Variants in C6orf58 observed in about 807,000 individuals in gnomAD.
C6orf58 encodes protein LEG1 homolog.
In C6orf58, 30 loss-of-function variants were observed where a neutral mutation model predicts 37.0. The ratio of observed to expected loss-of-function variants is 0.81; its 90% CI spans 0.61 to 1.10. C6orf58 has a LOEUF of 1.10. C6orf58 is among the 50% of genes least tolerant of loss of function. The pLI, the probability that C6orf58 is intolerant of heterozygous loss-of-function variation, is 0.00. For missense variants in C6orf58, 368 were observed against 387.5 expected (o/e 0.95, Z 0.42); for synonymous variants, 143 against 134.1 (o/e 1.07, Z -0.46).
At chr6:127,590,867 A>C (rs1232686465) in intron 5 of C6orf58, among the ~76,000 whole-genome samples, 2 of 152,148 alleles carry the variant, frequency 1.3e-5, no homozygotes, top group African/African-American at 2.4e-5. Flanking sequence ...TACCAGTTTG[A>C]AAGTGACTAT....
intron 5 of C6orf58, among the ~76,000 whole-genome samples, chr6:127,590,603 T>C (rs1019320244): frequency 6.6e-6 from 1 of 152,106 alleles, no homozygotes; most frequent in Non-Finnish European, 1.5e-5. Context: ...TTTGTTTTGT[T>C]CTACATACCG....
intron 4 of C6orf58, among the ~76,000 whole-genome samples, chr6:127,582,131 A>T (rs1408613535): frequency 6.6e-6 from 1 of 152,136 alleles, no homozygotes; most frequent in Non-Finnish European, 1.5e-5. Context: ...ATCAGTATGG[A>T]ATTCACAGTT....
At chr6:127,587,626 T>C (rs1775120319) in intron 4 of C6orf58, among the ~76,000 whole-genome samples, 1 of 152,226 alleles carries the variant, frequency 6.6e-6, no homozygotes, top group African/African-American at 2.4e-5. Context: ...GAAGTAATAA[T>C]GTACAAATTA....
chr6:127,578,301 T>C (rs1396162317), intron 1 of C6orf58, among the ~76,000 whole-genome samples: 1 of 152,072 alleles, frequency 6.6e-6, no homozygotes, highest in Non-Finnish European at 1.5e-5. Flanking sequence ...ACTAAGGCAT[T>C]AGAGGTTATT....
chr6:127,584,600 C>T (rs1260625118), intron 4 of C6orf58, among the ~76,000 whole-genome samples: 1 of 152,066 alleles, frequency 6.6e-6, no homozygotes, highest in East Asian at 1.9e-4. Context: ...TATGGGAAAC[C>T]CCGTCTCTAG....
Position 127,591,465 on chromosome 6 carries a change from T to C in C6orf58, c.914-78T>C, listed in dbSNP as rs1775161615. The stretch of plus-strand genomic sequence containing the variant: ...TTAGTAGAAAGGAAATGAAATAAAA[T>C]TATGAGCCATATATTGCCAAAAGGT... On this transcript the variant is annotated intron_variant, in intron 5 of 5. Coordinates refer to ENST00000329722, the MANE Select transcript of C6orf58 (RefSeq NM_001010905.3). 4 of 1,249,212 alleles carry C rather than the reference T, an allele frequency of 3.2e-6. No individual in the cohort carries two copies. The South Asian group carries it at 5.1e-5, about 16-fold the overall frequency. 77.4% of individuals were successfully genotyped at this position (1,249,212 alleles called of 1,614,324 possible). A position where few individuals can be genotyped will look rare whatever the true frequency, so the allele number is the denominator to read the frequency against.
chr6:127,590,383 A>T (rs1325770719), intron 5 of C6orf58, 58 bp downstream of exon 5: 2 of 1,032,118 alleles, frequency 1.9e-6, no homozygotes, highest in Non-Finnish European at 2.9e-6. Flanking sequence ...AAATAGAGGA[A>T]GAAATAATAA....
chr6:127,587,046 C>T (rs933945754), intron 4 of C6orf58, among the ~76,000 whole-genome samples: 1 of 152,152 alleles, frequency 6.6e-6, no homozygotes, highest in East Asian at 1.9e-4. Flanking sequence ...CAAATTATAT[C>T]AGCATTATTT....
At chr6:127,578,921 G>A in intron 2 of C6orf58, 149 bp downstream of exon 2, 1 of 575,336 alleles carries the variant, frequency 1.7e-6, no homozygotes, top group Non-Finnish European at 3.1e-6. Context: ...ATGGCCTTTA[G>A]GTCACTTTAA....
chr6:127,585,386 C>T (rs778578093), intron 4 of C6orf58, among the ~76,000 whole-genome samples: 3 of 152,088 alleles, frequency 2.0e-5, no homozygotes, highest in Admixed American at 6.6e-5. Flanking sequence ...TCACAGATCA[C>T]TTGGAAATAA....
At position 127,591,649 on chromosome 6, in the gene C6orf58, T is replaced by C. The variant is rs369871831; in HGVS notation, c.*27T>C. On this transcript the variant is annotated 3_prime_UTR_variant, in exon 6 of 6. Transcript: ENST00000329722. ...ACATTTAACTTCAAACTTCAGGAAATGATTAATGAATTAAAAATGAAAAAC... is the reference window on the plus strand; with the variant it reads ...ACATTTAACTTCAAACTTCAGGAAACGATTAATGAATTAAAAATGAAAAAC... 22 of 1,470,116 alleles carry C rather than the reference T, an allele frequency of 1.5e-5. No homozygotes were observed. In the African/African-American group the frequency reaches 2.3e-4, roughly 16 times the overall value. The allele number at this position is 1,470,116 out of a possible 1,614,324, so 91.1% of individuals were successfully genotyped here.
At chr6:127,578,881 T>A in intron 2 of C6orf58, 109 bp downstream of exon 2, 1 of 796,668 alleles carries the variant, frequency 1.3e-6, no homozygotes, top group African/African-American at 1.7e-5. Flanking sequence ...GTTCCTATTT[T>A]AAAAAGGAAT....
At chr6:127,582,823 G>A (rs898984654) in intron 4 of C6orf58, among the ~76,000 whole-genome samples, 4 of 152,006 alleles carry the variant, frequency 2.6e-5, no homozygotes, top group South Asian at 2.1e-4. Context: ...CTTAATTGTC[G>A]GTGGCTCCTT....
intron 3 of C6orf58, 114 bp downstream of exon 3, chr6:127,580,563 G>T: frequency 1.4e-6 from 1 of 704,878 alleles, no homozygotes. Context: ...GATGTAAATT[G>T]CTATGCATGA....
chr6:127,583,025 GT>G (rs145733890), intron 4 of C6orf58, among the ~76,000 whole-genome samples: 2,420 of 152,208 alleles, frequency 0.016, 68 homozygotes, highest in African/African-American at 0.057. Flanking sequence ...TCATTGTATG[GT>G]TAGAAGATAC....
At chr6:127,585,816 C>G (rs886069288) in intron 4 of C6orf58, among the ~76,000 whole-genome samples, 2 of 152,142 alleles carry the variant, frequency 1.3e-5, no homozygotes, top group Non-Finnish European at 2.9e-5. Flanking sequence ...CTTTCACACA[C>G]CTTTTATAAC....
intron 5 of C6orf58, 59 bp downstream of exon 5, chr6:127,590,384 G>T (rs1266394429): frequency 4.9e-6 from 5 of 1,029,432 alleles, no homozygotes; most frequent in African/African-American, 1.6e-5. Context: ...AATAGAGGAA[G>T]AAATAATAAT....
chr6:127,578,903 T>C, intron 2 of C6orf58, 131 bp downstream of exon 2: 2 of 662,264 alleles, frequency 3.0e-6, no homozygotes, highest in East Asian at 2.7e-5. Flanking sequence ...TATTTCACCG[T>C]GTACCTTATG....
intron 1 of C6orf58, 45 bp from the exon 2 acceptor site, chr6:127,578,641 C>G (rs1462971146): frequency 7.1e-7 from 1 of 1,408,038 alleles, no homozygotes; most frequent in Admixed American, 1.7e-5. Context: ...CAGCCAGTTT[C>G]AAAATGCGTA....
Sources: allele counts gnomAD v4.1 joint callset (sites outside exome capture counted in the v4.1 genomes callset), GRCh38; gene constraint gnomAD v4.1.1; transcripts MANE v1.5; gene names NCBI Gene and HGNC (gene_info 2026-07-23, HGNC 2026-07-21).